The following PTPRS variants were observed in gnomAD, a reference collection of about 807,000 sequenced individuals.
PTPRS encodes the protein protein tyrosine phosphatase receptor type S.
Under a neutral mutation model 215.3 loss-of-function variants are expected in PTPRS, and 63 were observed. The observed-to-expected ratio is 0.29, with a 90% CI of 0.24 to 0.36. The LOEUF is 0.36. Ranked by LOEUF, PTPRS falls within the 10% of genes least tolerant of loss-of-function variation. The probability of loss-of-function intolerance (pLI) is 1.00; values close to 1 mark genes in which losing one functional copy is unlikely to be tolerated. For synonymous variants in PTPRS, 1,404 were observed against 1,191.4 expected, an observed-to-expected ratio of 1.18 and a Z score of -3.68; for missense variants, 2,258 against 2,825.8, an observed-to-expected ratio of 0.80 and a Z score of 4.56.
chr19:5,292,529 C>T (rs2048906648), intron 1 of PTPRS, among the ~76,000 whole-genome samples: 1 of 152,194 alleles, frequency 6.6e-6, no homozygotes, highest in Admixed American at 6.5e-5. Flanking sequence ...ACGAGCTGCC[C>T]TGACCGTCTC....
intron 13 of PTPRS, among the ~76,000 whole-genome samples, chr19:5,234,248 C>G (rs1355247541): frequency 6.6e-6 from 1 of 152,246 alleles, no homozygotes; most frequent in African/African-American, 2.4e-5. Flanking sequence ...CTTACTTCAA[C>G]TAGGACCATC....
At position 5,245,770 on chromosome 19, in the gene PTPRS, G is replaced by A. The variant is rs1459882117; in HGVS notation, c.988+6C>T. ...TCCACCTACGAGCCCCATGGGCCCT[G>A]CTCACATTTCACCGTGATCTGAGCA... is the stretch of plus-strand genomic sequence containing the variant. On this transcript the variant is annotated splice_donor_region_variant and intron_variant, in intron 10 of 37. Coordinates refer to ENST00000262963, the MANE Select transcript of PTPRS (RefSeq NM_002850.4). 2 of 1,579,512 alleles carry A rather than the reference G, an allele frequency of 1.3e-6. No individual in the cohort carries two copies. Among genetic ancestry groups the A allele is most frequent in the Non-Finnish European group, 1.7e-6 (2 of 1,160,010 alleles).
chr19:5,218,657 G>T lies in PTPRS; in HGVS notation c.3936-125C>A, dbSNP rs1048949224. On this transcript the variant is annotated intron_variant, in intron 24 of 37. Coordinates refer to ENST00000262963, the MANE Select transcript of PTPRS (RefSeq NM_002850.4). Reference sequence around the variant, plus strand: ...GGACCCGTATGACTAGGGTTTCCAGGACCAAGTACAGCTACGTGTACAAGC... The same window carrying T: ...GGACCCGTATGACTAGGGTTTCCAGTACCAAGTACAGCTACGTGTACAAGC... 4 of 1,514,268 alleles carry T rather than the reference G, an allele frequency of 2.6e-6. No homozygotes were observed. The African/African-American group carries it at 4.1e-5, about 16-fold the overall frequency. The allele number at this position is 1,514,268 out of a possible 1,614,324, so 93.8% of individuals were successfully genotyped here. A position where few individuals can be genotyped will look rare whatever the true frequency, so the allele number is the denominator to read the frequency against.
chr19:5,307,078 G>A (rs1183991737), intron 1 of PTPRS, among the ~76,000 whole-genome samples: 5 of 152,214 alleles, frequency 3.3e-5, no homozygotes, highest in African/African-American at 1.2e-4. Flanking sequence ...GCTGAGGCAG[G>A]AAGATCACCT....
At chr19:5,277,723 T>C (rs940531905) in intron 2 of PTPRS, 2 of 640,504 alleles carry the variant, frequency 3.1e-6, no homozygotes, top group African/African-American at 1.8e-5. Flanking sequence ...AGCCGTCTCC[T>C]CCTCAGCATC....
chr19:5,244,115 C>A lies in PTPRS; in HGVS notation c.1356G>T (p.Glu452Asp). Residue 452 changes from glutamate to aspartate, a missense_variant, in exon 11 of 38, where the codon GAG becomes GAT. Physicochemically the swap from Glu to Asp is conservative, Grantham distance 45. This residue lies in a region of PTPRS where 508 missense variants were observed against 799.4 expected (regional missense o/e 0.64). Transcript: ENST00000262963. This position sits in a 1 kb window ranked among gnomAD's most constrained non-coding sequence, Gnocchi z 7.2. The part of the protein sequence containing the change: ...TMIVQWEEPV[E>D]PNGLIRGYRV... The stretch of plus-strand genomic sequence containing the variant: ...GGTAGCCGCGGATCAGGCCGTTGGG[C>A]TCCACCGGCTCCTCCCACTGCACAA... 6.2e-7 allele frequency: 1 copy of A among 1,607,034 alleles called. No homozygotes were observed. The highest frequency in any genetic ancestry group is 1.1e-5 in the South Asian group (1 of 90,598).
intron 1 of PTPRS, among the ~76,000 whole-genome samples, chr19:5,299,742 C>T (rs1600068891): frequency 1.3e-5 from 2 of 152,138 alleles, no homozygotes; most frequent in South Asian, 2.1e-4. Flanking sequence ...CATGGTGGTG[C>T]GCACCTGTAA....
chr19:5,281,865 T>TG (rs776208119), intron 2 of PTPRS, among the ~76,000 whole-genome samples: 27 of 151,924 alleles, frequency 1.8e-4, no homozygotes, highest in Non-Finnish European at 3.1e-4. Flanking sequence ...ACCGGGCGGG[T>TG]GGGTGCTACA....
rs750397631 is a variant in PTPRS at position 5,222,694 on chromosome 19, TC to T, written c.3097del (p.Asp1033ThrfsTer10). Reference sequence around the variant, plus strand: ...AGGGGTCGCCGCGCGCCTACCTTGGTCCCGCAGGAACGTCCGGTAGCGGACG... The same window carrying T: ...AGGGGTCGCCGCGCGCCTACCTTGGTCCGCAGGAACGTCCGGTAGCGGACG... ...PPVRYRTFLR[D>X]QVSPKNFKVK... is the part of the protein sequence containing the mutation. On this transcript the variant is annotated frameshift_variant, in exon 18 of 38. Transcript: ENST00000262963. LOFTEE classifies it high-confidence loss of function. 1 of 1,583,956 alleles carries T rather than the reference TC, an allele frequency of 6.3e-7. No individual in the cohort carries two copies. Among genetic ancestry groups the T allele is most frequent in the Non-Finnish European group, 8.5e-7 (1 of 1,171,404 alleles).
chr19:5,330,089 A>AG (rs1385519139), intron 1 of PTPRS, among the ~76,000 whole-genome samples: 1 of 151,890 alleles, frequency 6.6e-6, no homozygotes, highest in East Asian at 1.9e-4. Flanking sequence ...AAAAAAAAAA[A>AG]AAAAAAATTA....
At chr19:5,238,845 C>T (rs1199826275) in intron 13 of PTPRS, 74 bp downstream of exon 13, 42 of 1,467,946 alleles carry the variant, frequency 2.9e-5, no homozygotes, top group South Asian at 4.3e-5. Context: ...CGCCTGGGTC[C>T]GTCTGCCGAG....
Position 5,219,938 on chromosome 19 carries a change from C to T in PTPRS, c.3765+1G>A. On this transcript the variant is annotated splice_donor_variant, in intron 22 of 37. Transcript: ENST00000262963. LOFTEE classifies it high-confidence loss of function. Reference sequence around the variant, plus strand: ...GTGGGCGGACACCATTCAGGACTTACAGGCTCGCTCTTCTGAAGCACGGCA... The same window carrying T: ...GTGGGCGGACACCATTCAGGACTTATAGGCTCGCTCTTCTGAAGCACGGCA... 6.2e-7 allele frequency: 1 copy of T among 1,613,414 alleles called. No individual in the cohort carries two copies.
In PTPRS at chr19:5,251,452, C is replaced by T. The variant is rs376866607; in HGVS notation, c.718+4656G>A. Among the ~76,000 whole-genome samples, 727 of 149,700 alleles carry T rather than the reference C, an allele frequency of 4.9e-3. 5 individuals are homozygous for T. The highest frequency in any genetic ancestry group is 0.017 in the African/African-American group (689 of 40,744). ...TACTTTTTTTTTTTTTTTTGGTACCCGCTCTCTCTTTCTCTCATTTCTTTT... is the reference window on the plus strand; with the variant it reads ...TACTTTTTTTTTTTTTTTTGGTACCTGCTCTCTCTTTCTCTCATTTCTTTT... On this transcript the variant is annotated intron_variant, in intron 9 of 37. Transcript: ENST00000262963.
In PTPRS at chr19:5,223,072, G is replaced by C. The variant is rs200860780; in HGVS notation, c.2720C>G (p.Ala907Gly). 1 of 1,555,748 alleles carries C rather than the reference G, an allele frequency of 6.4e-7. No homozygotes were observed. Among genetic ancestry groups the C allele is most frequent in the East Asian group, 2.4e-5 (1 of 41,714 alleles). Residue 907 changes from alanine to glycine, a missense_variant, in exon 18 of 38, where the codon GCC becomes GGC. Physicochemically the swap from Ala to Gly is moderately conservative, Grantham distance 60 (BLOSUM62 0). Around this residue, in one of 6 missense-constraint regions of PTPRS, gnomAD observed 361 missense variants for 332.6 expected, o/e 1.09. Transcript: ENST00000262963. Reference protein sequence around the residue: ...KGATYVFRLAARSRGGLGEEA... With the variant: ...KGATYVFRLAGRSRGGLGEEA... ...CTCGCCCAGGCCGCCGCGGCTCCGG[G>C]CCGCAAGCCGGAACACATACGTGGC...
intron 1 of PTPRS, among the ~76,000 whole-genome samples, chr19:5,307,020 G>A (rs777824887): frequency 3.9e-4 from 59 of 152,178 alleles, no homozygotes; most frequent in Non-Finnish European, 5.0e-4. Flanking sequence ...AACAGTACAA[G>A]GGGGCCAGGC....
chr19:5,284,785 A>G (rs1457683019), intron 2 of PTPRS, among the ~76,000 whole-genome samples: 2 of 152,066 alleles, frequency 1.3e-5, no homozygotes, highest in East Asian at 3.9e-4. Context: ...CATCTCTACA[A>G]AAAATTAAAA....
rs576427234 is a variant in PTPRS at position 5,237,638 on chromosome 19, G to T, written c.1849+1281C>A. ...AGCCCAGAGTGGCTGGGGCAGGCGGGGGGGCACGCGGGGTGGGCCGTTTTT... is the reference window on the plus strand; with the variant it reads ...AGCCCAGAGTGGCTGGGGCAGGCGGTGGGGCACGCGGGGTGGGCCGTTTTT... On this transcript the variant is annotated intron_variant, in intron 13 of 37. Coordinates refer to ENST00000262963, the MANE Select transcript of PTPRS (RefSeq NM_002850.4). This position sits in a 1 kb window ranked among gnomAD's most constrained non-coding sequence, Gnocchi z 4.2. 6.6e-6 allele frequency among the ~76,000 whole-genome samples: 1 copy of T among 152,334 alleles called. No homozygotes were observed. Among genetic ancestry groups the T allele is most frequent in the African/African-American group, 2.4e-5 (1 of 41,576 alleles).
chr19:5,228,336 C>T (rs1263945014), intron 16 of PTPRS, among the ~76,000 whole-genome samples: 35 of 75,436 alleles, frequency 4.6e-4, no homozygotes, highest in African/African-American at 3.5e-3. Flanking sequence ...TAGTGTGAGA[C>T]TCCGTCTGGA....
At chr19:5,245,528 A>G (rs564301915) in intron 10 of PTPRS, among the ~76,000 whole-genome samples, 37 of 148,602 alleles carry the variant, frequency 2.5e-4, no homozygotes, top group African/African-American at 9.2e-4. Context: ...CCTGGGCTCA[A>G]GCAAACCTCC....
Sources: gnomAD v4.1 joint callset for allele counts (sites outside exome capture counted in the v4.1 genomes callset) on GRCh38, gnomAD v4.1.1 for gene constraint, gnomAD v4.1.1 regional missense constraint, Gnocchi (gnomAD v3.1) non-coding constraint, MANE v1.5 for transcripts, NCBI Gene and HGNC (gene_info 2026-07-23, HGNC 2026-07-21) for gene names.